Variants in UNC13C observed in about 807,000 individuals in gnomAD.
UNC13C encodes the protein unc-13 homolog C.
Under a neutral mutation model 245.4 loss-of-function variants are expected in UNC13C, and 174 were observed. The ratio of observed to expected loss-of-function variants is 0.71; its 90% CI spans 0.63 to 0.80. UNC13C has a LOEUF of 0.80. Among genes scored for constraint, UNC13C ranks in the 30% least tolerant of loss-of-function variants. The pLI is 0.00. For missense variants in UNC13C, 2,829 were observed against 2,602.9 expected, an observed-to-expected ratio of 1.09 and a Z score of -1.89; for synonymous variants, 992 against 895.1, an observed-to-expected ratio of 1.11 and a Z score of -1.93.
chr15:54,149,025 C>T (rs192756220), intron 4 of UNC13C, among the ~76,000 whole-genome samples: 12 of 152,080 alleles, frequency 7.9e-5, no homozygotes, highest in Admixed American at 2.0e-4. Flanking sequence ...TCATGGGGGG[C>T]AGTTTCCCCC....
chr15:53,930,092 T>G, the UNC13C span, among the ~76,000 whole-genome samples: 1 of 152,178 alleles, frequency 6.6e-6, no homozygotes, highest in Admixed American at 6.5e-5. Flanking sequence ...GAATGAAGCA[T>G]GCAAGGTGGC....
At chr15:54,479,657 C>A (rs1420966636) in intron 19 of UNC13C, among the ~76,000 whole-genome samples, 1 of 151,526 alleles carries the variant, frequency 6.6e-6, no homozygotes, top group Non-Finnish European at 1.5e-5. Context: ...CTTTATTCAT[C>A]TTTTATTGTT....
intron 17 of UNC13C, among the ~76,000 whole-genome samples, chr15:54,380,632 G>GT (rs55877820): frequency 0.14 from 21,350 of 151,962 alleles, 1,790 homozygotes; most frequent in Middle Eastern, 0.23. Context: ...GTTATCTTTT[G>GT]TTTTTTTGAT....
chr15:54,588,348 TTAAG>T (rs1898595962), intron 30 of UNC13C, among the ~76,000 whole-genome samples: 1 of 152,230 alleles, frequency 6.6e-6, no homozygotes, highest in South Asian at 2.1e-4. Context: ...ACGTGTAACA[TTAAG>T]TAATTTAACT....
chr15:54,401,428 C>A (rs929176244), intron 18 of UNC13C, among the ~76,000 whole-genome samples: 2 of 152,026 alleles, frequency 1.3e-5, no homozygotes, highest in Admixed American at 6.6e-5. Flanking sequence ...GTTGACGCAG[C>A]CTTATGAGAA....
chr15:54,059,888 T>C (rs1452902396), intron 2 of UNC13C, among the ~76,000 whole-genome samples: 2 of 152,164 alleles, frequency 1.3e-5, no homozygotes, highest in East Asian at 1.9e-4. Flanking sequence ...ATTTAATAAA[T>C]GGTGCTGGGA....
chr15:53,839,345 T>C, the UNC13C span, among the ~76,000 whole-genome samples: 1 of 152,138 alleles, frequency 6.6e-6, no homozygotes, highest in Non-Finnish European at 1.5e-5. Context: ...GTGTCTCTGC[T>C]AAGATTCCAA....
chr15:54,398,223 G>T (rs2040110974), intron 18 of UNC13C, among the ~76,000 whole-genome samples: 2 of 151,214 alleles, frequency 1.3e-5, no homozygotes. Context: ...ACATAATTTT[G>T]CTTTTCAACA....
At chr15:53,893,504 T>TA in the UNC13C span, among the ~76,000 whole-genome samples, 1 of 152,216 alleles carries the variant, frequency 6.6e-6, no homozygotes, top group Non-Finnish European at 1.5e-5. Context: ...GGGTTTTATC[T>TA]ATAAGTCCCT....
intron 30 of UNC13C, chr15:54,609,504 T>C (rs1899960383): frequency 6.6e-6 from 1 of 152,218 alleles, no homozygotes. Flanking sequence ...GAACTTGTCA[T>C]CTATATTTTC....
Position 54,014,763 on chromosome 15 carries a change from A to G in UNC13C, c.1860A>G (p.Glu620=). 2 of 1,613,898 alleles carry G rather than the reference A, an allele frequency of 1.2e-6. No individual in the cohort carries two copies. The highest frequency in any genetic ancestry group is 1.7e-6 in the Non-Finnish European group (2 of 1,179,842). Residue 620 remains glutamate (E), a synonymous_variant, in exon 2 of 33, where the codon GAA becomes GAG. Transcript: ENST00000260323. ...VQGIQGQTET[E]NTETVDSGMS... ...GTATCCAAGGGCAGACTGAAACTGA[A>G]AACACAGAAACTGTGGATAGTGGAA...
chr15:53,896,664 G>T, the UNC13C span, among the ~76,000 whole-genome samples: 3 of 151,910 alleles, frequency 2.0e-5, no homozygotes, highest in South Asian at 2.1e-4. Flanking sequence ...GCAACTAGTT[G>T]CTCAGCTGAA....
At chr15:54,031,009 C>A (rs536119275) in intron 2 of UNC13C, among the ~76,000 whole-genome samples, 67 of 152,074 alleles carry the variant, frequency 4.4e-4, no homozygotes, top group Non-Finnish European at 8.8e-4. Flanking sequence ...ACTCCCCAGT[C>A]TCTTAGGCCT....
rs2033459398 is a variant in UNC13C, at chr15:54,172,733, TATATATATATATATATATATATA to T, written c.3071+29050_3071+29072del. On this transcript the variant is annotated intron_variant, in intron 4 of 32. Transcript: ENST00000260323. ...ATATATATATATATATATATATATA[TATATATATATATATATATATATA>T]TATATCTTTACTCTATAGGTCATTT... is the stretch of plus-strand genomic sequence containing the variant. Among the ~76,000 whole-genome samples the T allele has an allele frequency of 8.6e-5, 9 of 104,066 alleles. No individual in the cohort carries two copies. In the South Asian group the frequency reaches 2.2e-3, roughly 26 times the overall value. The allele number at this position is 104,066 out of a possible 152,430, so 68.3% of individuals were successfully genotyped here. A position where few individuals can be genotyped will look rare whatever the true frequency, so the allele number is the denominator to read the frequency against.
chr15:54,015,684 T>C lies in UNC13C; in HGVS notation c.2781T>C (p.Asp927=). The change falls in exon 2 of 33, where the codon GAT becomes GAC. Residue 927 remains aspartate, a synonymous_variant. Coordinates refer to ENST00000260323, the MANE Select transcript of UNC13C (RefSeq NM_001080534.3). Reference sequence around the variant, plus strand: ...ATGAGGGTTATGATGGTCCAGCAGATGATATGGTTAGTGAAGAGGGGTTAG... The same window carrying C: ...ATGAGGGTTATGATGGTCCAGCAGACGATATGGTTAGTGAAGAGGGGTTAG... ...PQDEGYDGPA[D]DMVSEEGLEP... 1.2e-6 allele frequency: 2 copies of C among 1,613,698 alleles called. No homozygotes were observed. Among genetic ancestry groups the C allele is most frequent in the East Asian group, 2.2e-5 (1 of 44,848 alleles).
intron 10 of UNC13C, among the ~76,000 whole-genome samples, chr15:54,288,571 TGA>T (rs1259601638): frequency 2.0e-5 from 3 of 151,846 alleles, no homozygotes; most frequent in Admixed American, 1.3e-4. Flanking sequence ...CAGCCAAATG[TGA>T]GACACATTGG....
intron 18 of UNC13C, among the ~76,000 whole-genome samples, chr15:54,393,700 TA>T (rs765929111): frequency 7.9e-5 from 12 of 151,894 alleles, no homozygotes; most frequent in Non-Finnish European, 1.6e-4. Flanking sequence ...GCAGATGAAT[TA>T]AAATTCATGA....
rs538962239 is a variant in UNC13C, at chr15:54,428,304, G to A, written c.4933+13237G>A. On this transcript the variant is annotated intron_variant, in intron 19 of 32. Coordinates refer to ENST00000260323, the MANE Select transcript of UNC13C (RefSeq NM_001080534.3). ...CTGAACTGGAAGGCCCCGCATTGTT[G>A]CTGGAGGCCCTGTCTCTGAACTCAT... Among the ~76,000 whole-genome samples the A allele has an allele frequency of 6.6e-5, 10 of 151,756 alleles. No individual in the cohort carries two copies. The South Asian group carries it at 2.1e-3, about 32-fold the overall frequency.
At chr15:54,128,079 T>TA (rs1315325574) in intron 2 of UNC13C, among the ~76,000 whole-genome samples, 1 of 152,042 alleles carries the variant, frequency 6.6e-6, no homozygotes, top group Non-Finnish European at 1.5e-5. Flanking sequence ...TCTCAGGATA[T>TA]AAAATCAGTA....
Sources: gnomAD v4.1 joint callset for allele counts (sites outside exome capture counted in the v4.1 genomes callset) on GRCh38, gnomAD v4.1.1 for gene constraint, MANE v1.5 for transcripts, NCBI Gene and HGNC (gene_info 2026-07-23, HGNC 2026-07-21) for gene names.